CDH7: variants seen among roughly 807,000 people sequenced by gnomAD.
CDH7 encodes the protein cadherin-7.
A neutral mutation model predicts 71.8 loss-of-function variants in CDH7; 25 were observed. The ratio of observed to expected loss-of-function variants is 0.35; its 90% CI spans 0.25 to 0.49. CDH7 has a LOEUF of 0.49. Ranked by LOEUF, CDH7 falls within the 20% of genes least tolerant of loss-of-function variation. The pLI is 0.99. For missense variants in CDH7, 862 were observed against 974.6 expected (o/e 0.88, Z 1.54); for synonymous variants, 381 against 363.8 (o/e 1.05, Z -0.54).
chr18:65,857,103 G>A (rs894342189), intron 7 of CDH7, among the ~76,000 whole-genome samples: 3 of 151,442 alleles, frequency 2.0e-5, no homozygotes, highest in Admixed American at 2.0e-4. Flanking sequence ...TGGGCAAGAT[G>A]TTTACATGTT....
At chr18:65,853,906 C>CATATATATATATAT (rs4047846) in intron 7 of CDH7, among the ~76,000 whole-genome samples, 3 of 34,210 alleles carry the variant, frequency 8.8e-5, no homozygotes, top group Non-Finnish European at 1.7e-4. Flanking sequence ...CATAAATTAC[C>CATATATATATATAT]ATATATATAT....
chr18:65,869,345 C>T (rs569299871), intron 11 of CDH7, among the ~76,000 whole-genome samples: 12 of 151,816 alleles, frequency 7.9e-5, no homozygotes, highest in African/African-American at 1.7e-4. Context: ...AGCTTAAAAT[C>T]GTATTTTCAT....
intron 2 of CDH7, among the ~76,000 whole-genome samples, chr18:65,806,337 C>T (rs1350172996): frequency 6.6e-6 from 1 of 151,032 alleles, no homozygotes; most frequent in East Asian, 1.9e-4. Context: ...AAAACAAATA[C>T]TTTGAAAAGG....
rs1057307510 is a variant in CDH7 at position 65,889,327 on chromosome 18, C to T, written c.*8433C>T. 4 of 152,166 alleles carry T rather than the reference C, an allele frequency of 2.6e-5. No homozygotes were observed. Among genetic ancestry groups the T allele is most frequent in the African/African-American group, 9.7e-5 (4 of 41,442 alleles). 9.4% of individuals were successfully genotyped at this position (152,166 alleles called of 1,614,324 possible). ...GAAGCTAAACTGTCAACAAACAGTT[C>T]CACTGAAGTTGCCATAGGGACAGCT... On this transcript the variant is annotated 3_prime_UTR_variant, in exon 12 of 12. Transcript: ENST00000397968.
In CDH7 at chr18:65,882,797, TAACA is replaced by T. The variant is rs1041156711; in HGVS notation, c.*1914_*1917del. ...CATGCAAGTTTTTCAAACTAAAAAA[TAACA>T]AACAAACAAAAAAACACGCGTATTT... On this transcript the variant is annotated 3_prime_UTR_variant, in exon 12 of 12. Transcript: ENST00000397968. The T allele has an allele frequency of 1.6e-4, 25 of 151,944 alleles. No homozygotes were observed. The highest frequency in any genetic ancestry group is 9.7e-5 in the African/African-American group (4 of 41,386). The allele number at this position is 151,944 out of a possible 1,614,324, so 9.4% of individuals were successfully genotyped here. A position where few individuals can be genotyped will look rare whatever the true frequency, so the allele number is the denominator to read the frequency against.
chr18:65,752,437 T>C (rs1002083942), intron 1 of CDH7, among the ~76,000 whole-genome samples: 2 of 152,202 alleles, frequency 1.3e-5, no homozygotes, highest in Non-Finnish European at 2.9e-5. Flanking sequence ...CAAATTGTTA[T>C]GGGAGAAAAG....
chr18:65,751,906 C>T (rs529682001), intron 1 of CDH7, among the ~76,000 whole-genome samples: 1 of 152,254 alleles, frequency 6.6e-6, no homozygotes, highest in African/African-American at 2.4e-5. Flanking sequence ...TACCGCTTCA[C>T]GTTTTAGATC....
chr18:65,765,937 TACATTCAATTACTCTGG>T (rs1916350117), intron 2 of CDH7, among the ~76,000 whole-genome samples: 1 of 152,178 alleles, frequency 6.6e-6, no homozygotes, highest in African/African-American at 2.4e-5. Flanking sequence ...CTTTATGACC[TACATTCAATTACTCTGG>T]ACATTATTAT....
At chr18:65,793,941 A>G (rs1193916893) in intron 2 of CDH7, among the ~76,000 whole-genome samples, 1 of 152,110 alleles carries the variant, frequency 6.6e-6, no homozygotes, top group African/African-American at 2.4e-5. Context: ...AATTTGATGC[A>G]TTTGATTGTA....
rs566197676 is a variant in CDH7 at position 65,851,665 on chromosome 18, T to C, written c.1236-6151T>C. Among the ~76,000 whole-genome samples the C allele has an allele frequency of 2.6e-5, 4 of 152,344 alleles. No homozygotes were observed. In the South Asian group the frequency reaches 6.2e-4, roughly 24 times the overall value. ...CTTTTGCAGAAACCCTCTTGTTATG[T>C]AGCTGTAGAAGAGATCTTACATGAA... On this transcript the variant is annotated intron_variant, in intron 7 of 11. Transcript: ENST00000397968.
chr18:65,826,801 A>T (rs7227424), intron 6 of CDH7, among the ~76,000 whole-genome samples: 5 of 151,310 alleles, frequency 3.3e-5, no homozygotes. Context: ...TACTTTGACT[A>T]TTATTAGAGA....
At chr18:65,797,501 C>G (rs978771079) in intron 2 of CDH7, among the ~76,000 whole-genome samples, 5 of 152,146 alleles carry the variant, frequency 3.3e-5, no homozygotes, top group Non-Finnish European at 5.9e-5. Flanking sequence ...TTTTCCTCAT[C>G]TATTTCTAAA....
chr18:65,765,223 G>T (rs1916318774), intron 2 of CDH7, among the ~76,000 whole-genome samples: 1 of 151,988 alleles, frequency 6.6e-6, no homozygotes, highest in Non-Finnish European at 1.5e-5. Context: ...CATAATTTGA[G>T]ATGGAAGGAG....
In CDH7 at chr18:65,862,763, C is replaced by G; in HGVS notation, c.1710C>G (p.Pro570=). ...LPIFIVDSGS[P]SLSSTNTLTI... is the part of the protein sequence containing the mutation. Reference sequence around the variant, plus strand: ...TTTTCATTGTGGACAGTGGATCTCCCTCACTTAGCAGCACCAACACCCTCA... The same window carrying G: ...TTTTCATTGTGGACAGTGGATCTCCGTCACTTAGCAGCACCAACACCCTCA... Residue 570 remains proline (P), a synonymous_variant, in exon 11 of 12, where the codon CCC becomes CCG. Coordinates refer to ENST00000397968, the MANE Select transcript of CDH7 (RefSeq NM_004361.5). 6.2e-7 allele frequency: 1 copy of G among 1,614,126 alleles called. No homozygotes were observed. The highest frequency in any genetic ancestry group is 8.5e-7 in the Non-Finnish European group (1 of 1,180,012).
intron 9 of CDH7, 23 bp from the exon 10 acceptor site, chr18:65,859,685 T>C: frequency 7.0e-7 from 1 of 1,429,986 alleles, no homozygotes; most frequent in Non-Finnish European, 9.9e-7. Context: ...TGTGCTTTCA[T>C]CTTTTACTTT....
intron 6 of CDH7, among the ~76,000 whole-genome samples, chr18:65,837,387 T>C (rs1294936708): frequency 6.6e-6 from 1 of 152,092 alleles, no homozygotes; most frequent in Non-Finnish European, 1.5e-5. Flanking sequence ...CTTTAACCAA[T>C]AGGAAAGTAA....
At chr18:65,864,714 C>G (rs1465627399) in intron 11 of CDH7, among the ~76,000 whole-genome samples, 2 of 150,950 alleles carry the variant, frequency 1.3e-5, no homozygotes, top group African/African-American at 4.9e-5. Flanking sequence ...CGGTGAAACC[C>G]TGTCTCTACT....
At chr18:65,775,735 C>T (rs1450642212) in intron 2 of CDH7, among the ~76,000 whole-genome samples, 1 of 152,150 alleles carries the variant, frequency 6.6e-6, no homozygotes, top group Non-Finnish European at 1.5e-5. Flanking sequence ...CCATCCTGGG[C>T]TGCATGTAGC....
At chr18:65,827,028 C>T (rs1489751614) in intron 6 of CDH7, among the ~76,000 whole-genome samples, 1 of 151,516 alleles carries the variant, frequency 6.6e-6, no homozygotes, top group Non-Finnish European at 1.5e-5. Context: ...CTTACTTCTG[C>T]CCAGAAATCT....
Sources: allele counts gnomAD v4.1 joint callset (sites outside exome capture counted in the v4.1 genomes callset), GRCh38; gene constraint gnomAD v4.1.1; transcripts MANE v1.5; gene names NCBI Gene and HGNC (gene_info 2026-07-23, HGNC 2026-07-21).